The following CACNA2D3 variants were observed in gnomAD, a reference collection of about 807,000 sequenced individuals.
The protein encoded by CACNA2D3 is calcium voltage-gated channel auxiliary subunit alpha2delta 3.
Under a neutral mutation model 160.6 loss-of-function variants are expected in CACNA2D3, and 60 were observed. The ratio of observed to expected loss-of-function variants is 0.37; its 90% CI spans 0.30 to 0.46. The LOEUF is 0.46. Ranked by LOEUF, CACNA2D3 falls within the 20% of genes least tolerant of loss-of-function variation. The probability of loss-of-function intolerance (pLI) is 1.00; values close to 1 mark genes in which losing one functional copy is unlikely to be tolerated. For synonymous variants in CACNA2D3, 558 were observed against 492.9 expected, an observed-to-expected ratio of 1.13 and a Z score of -1.75; for missense variants, 1,205 against 1,365.0, an observed-to-expected ratio of 0.88 and a Z score of 1.85.
chr3:54,766,849 T>C (rs1702233920), intron 13 of CACNA2D3, among the ~76,000 whole-genome samples: 1 of 151,908 alleles, frequency 6.6e-6, no homozygotes. Flanking sequence ...AGCATACTAC[T>C]TTTTGCAAGA....
At chr3:54,500,683 T>C (rs1228882493) in intron 4 of CACNA2D3, among the ~76,000 whole-genome samples, 1 of 152,102 alleles carries the variant, frequency 6.6e-6, no homozygotes, top group Non-Finnish European at 1.5e-5. Flanking sequence ...TGACTTAATT[T>C]TCTCTCCTCT....
At chr3:54,252,430 A>C (rs1047951917) in intron 2 of CACNA2D3, among the ~76,000 whole-genome samples, 9 of 152,136 alleles carry the variant, frequency 5.9e-5, no homozygotes, top group Non-Finnish European at 1.3e-4. Flanking sequence ...GTCTTAGCTG[A>C]TGTCCAATAG....
At position 54,249,558 on chromosome 3, in the gene CACNA2D3, TAC is replaced by T. The variant is rs149515122; in HGVS notation, c.205-70855_205-70854del. Among the ~76,000 whole-genome samples the T allele has an allele frequency of 7.6e-3, 934 of 123,510 alleles. 11 individuals are homozygous for T. The highest frequency in any genetic ancestry group is 0.023 in the African/African-American group (654 of 28,680). 81.0% of individuals were successfully genotyped at this position (123,510 alleles called of 152,430 possible). ...CTTAGAATAAATGTCTCTGTTTACG[TAC>T]ACACACACACACACACACACACACA... On this transcript the variant is annotated intron_variant, in intron 2 of 37. Coordinates refer to ENST00000474759, the MANE Select transcript of CACNA2D3 (RefSeq NM_018398.3).
At chr3:54,969,724 C>T in intron 28 of CACNA2D3, 76 bp from the exon 29 acceptor site, 1 of 1,243,598 alleles carries the variant, frequency 8.0e-7, no homozygotes, top group Non-Finnish European at 1.2e-6. Context: ...TTAAGTAGCT[C>T]AGTGGCAGCC....
intron 35 of CACNA2D3, among the ~76,000 whole-genome samples, chr3:55,063,985 G>T (rs565456454): frequency 5.3e-5 from 8 of 152,336 alleles, no homozygotes; most frequent in Admixed American, 3.3e-4. Context: ...TTCTTTCTGT[G>T]GTCTCTCTTG....
At chr3:54,403,381 ACACACACACACACACACG>A in intron 4 of CACNA2D3, among the ~76,000 whole-genome samples, 1 of 151,612 alleles carries the variant, frequency 6.6e-6, no homozygotes, top group Non-Finnish European at 1.5e-5. Flanking sequence ...ACACACACAC[ACACACACACACACACACG>A]CACACACAAT....
chr3:54,314,408 C>T (rs1703817245), intron 2 of CACNA2D3, among the ~76,000 whole-genome samples: 1 of 152,176 alleles, frequency 6.6e-6, no homozygotes, highest in African/African-American at 2.4e-5. Context: ...TTCTTTTCCT[C>T]TGGGTAGATA....
chr3:54,322,245 C>T (rs999946922), intron 3 of CACNA2D3, among the ~76,000 whole-genome samples: 5 of 152,182 alleles, frequency 3.3e-5, no homozygotes, highest in African/African-American at 4.8e-5. Flanking sequence ...GGAACTGTCC[C>T]GAATCTCAGT....
intron 27 of CACNA2D3, among the ~76,000 whole-genome samples, chr3:54,903,851 GTCT>G (rs1467809845): frequency 6.6e-6 from 1 of 152,130 alleles, no homozygotes; most frequent in East Asian, 1.9e-4. Context: ...CTGCATGTAT[GTCT>G]TCTTCTGAGA....
At chr3:54,855,357 T>C (rs552351903) in intron 17 of CACNA2D3, among the ~76,000 whole-genome samples, 1 of 152,314 alleles carries the variant, frequency 6.6e-6, no homozygotes, top group Admixed American at 6.5e-5. Flanking sequence ...CCACTGTTTC[T>C]AACTTCAGGG....
chr3:54,827,225 C>A (rs1191263309), intron 14 of CACNA2D3, among the ~76,000 whole-genome samples: 1 of 152,250 alleles, frequency 6.6e-6, no homozygotes, highest in African/African-American at 2.4e-5. Flanking sequence ...GCCTTTTTAA[C>A]TCCTTCACTT....
intron 3 of CACNA2D3, among the ~76,000 whole-genome samples, chr3:54,357,634 T>A (rs1289074990): frequency 1.3e-5 from 2 of 152,210 alleles, no homozygotes; most frequent in African/African-American, 4.8e-5. Context: ...ATAGCAGACT[T>A]ACTCACAATT....
At chr3:54,434,606 G>A (rs1439292995) in intron 4 of CACNA2D3, among the ~76,000 whole-genome samples, 1 of 152,194 alleles carries the variant, frequency 6.6e-6, no homozygotes, top group African/African-American at 2.4e-5. Flanking sequence ...CATCTGATGC[G>A]CAGGCAGCTT....
At position 54,891,555 on chromosome 3, in the gene CACNA2D3, T is replaced by C. The variant is rs1700069804; in HGVS notation, c.2246+105T>C. 1.2e-5 allele frequency: 11 copies of C among 894,518 alleles called. No homozygotes were observed. The South Asian group carries it at 1.5e-4, about 13-fold the overall frequency. 55.4% of individuals were successfully genotyped at this position (894,518 alleles called of 1,614,324 possible). ...GATTCCACTACTGGTAGAAACATAA[T>C]TTAGGCCACCCCAGGCCTATTGAGA... On this transcript the variant is annotated intron_variant, in intron 25 of 37. Coordinates refer to ENST00000474759, the MANE Select transcript of CACNA2D3 (RefSeq NM_018398.3).
intron 2 of CACNA2D3, among the ~76,000 whole-genome samples, chr3:54,242,119 A>G (rs1701985358): frequency 6.6e-6 from 1 of 152,168 alleles, no homozygotes; most frequent in South Asian, 2.1e-4. Flanking sequence ...ATTAAAAATA[A>G]CTAATAATAA....
At chr3:54,864,925 G>C (rs1384299494) in intron 17 of CACNA2D3, among the ~76,000 whole-genome samples, 1 of 152,174 alleles carries the variant, frequency 6.6e-6, no homozygotes, top group Non-Finnish European at 1.5e-5. Flanking sequence ...TCCCATCTCT[G>C]AAGCAGTTAT....
At chr3:54,947,016 A>T (rs948435850) in intron 27 of CACNA2D3, among the ~76,000 whole-genome samples, 1 of 152,216 alleles carries the variant, frequency 6.6e-6, no homozygotes, top group African/African-American at 2.4e-5. Flanking sequence ...TTAGACAAGT[A>T]ATTGGGTCAT....
At chr3:54,251,102 T>G (rs2107423909) in intron 2 of CACNA2D3, among the ~76,000 whole-genome samples, 1 of 152,234 alleles carries the variant, frequency 6.6e-6, no homozygotes, top group South Asian at 2.1e-4. Flanking sequence ...GTTATGTAAG[T>G]GACTTAGGCA....
At chr3:54,929,182 C>T (rs1205263697) in intron 27 of CACNA2D3, among the ~76,000 whole-genome samples, 1 of 152,116 alleles carries the variant, frequency 6.6e-6, no homozygotes, top group Non-Finnish European at 1.5e-5. Context: ...AAGTGACTTA[C>T]CCACCCAGAG....
Sources: allele counts gnomAD v4.1 joint callset (sites outside exome capture counted in the v4.1 genomes callset), GRCh38; gene constraint gnomAD v4.1.1; transcripts MANE v1.5; gene names NCBI Gene and HGNC (gene_info 2026-07-23, HGNC 2026-07-21).